Variants in PDXDC1 observed in about 807,000 individuals in gnomAD.
PDXDC1 encodes the protein pyridoxal-dependent decarboxylase domain-containing protein 1.
PDXDC1 carries 42 observed loss-of-function variants against 100.1 expected under a neutral mutation model. The ratio of observed to expected loss-of-function variants is 0.42; its 90% CI spans 0.33 to 0.54. The LOEUF (loss-of-function observed/expected upper bound fraction) is 0.54, where lower values mean the gene tolerates loss of function less well. PDXDC1 is among the 20% of genes least tolerant of loss of function. The pLI, the probability that PDXDC1 is intolerant of heterozygous loss-of-function variation, is 0.10. For missense variants in PDXDC1, 636 were observed against 979.2 expected (o/e 0.65, Z 4.68); for synonymous variants, 260 against 371.7 (o/e 0.70, Z 3.46).
At chr16:15,131,145 C>T (rs2048034221) in intron 16 of PDXDC1, 4 of 1,594,600 alleles carry the variant, frequency 2.5e-6, no homozygotes, top group South Asian at 1.1e-5. Context: ...TGCTGCTGTC[C>T]AGGGTGACCA....
At chr16:15,143,791 G>C (rs545897595), downstream of PDXDC1, among the ~76,000 whole-genome samples, 1 of 152,344 alleles carries the variant, frequency 6.6e-6, no homozygotes, top group East Asian at 1.9e-4. Flanking sequence ...CTGCCTCAGA[G>C]CCTCACACTC....
chr16:15,094,458 AGACGGGAAGGACC>A (rs2046278763), intron 16 of PDXDC1: 2 of 580,342 alleles, frequency 3.4e-6, no homozygotes, highest in Non-Finnish European at 6.1e-6. Flanking sequence ...GTATAAGGAG[AGACGGGAAGGACC>A]GGCTCCATCC....
At chr16:15,010,515 T>C (rs1025777106) in intron 8 of PDXDC1, 1 of 154,280 alleles carries the variant, frequency 6.5e-6, no homozygotes, top group Admixed American at 6.5e-5. Flanking sequence ...GTACTGACGT[T>C]GTAAGATTGT....
chr16:15,005,801 G>A (rs758347806), intron 5 of PDXDC1, among the ~76,000 whole-genome samples: 4 of 152,268 alleles, frequency 2.6e-5, no homozygotes, highest in Non-Finnish European at 5.9e-5. Context: ...CTGGGTTCAA[G>A]CGATTCTCCT....
At chr16:14,987,443 T>A (rs1969633983) in intron 1 of PDXDC1, among the ~76,000 whole-genome samples, 5 of 152,418 alleles carry the variant, frequency 3.3e-5, no homozygotes, top group African/African-American at 4.8e-5. Context: ...AGGCGTTAAT[T>A]ATTAGCACAA....
intron 16 of PDXDC1, chr16:15,061,466 T>C (rs1427959548): frequency 8.1e-6 from 3 of 370,322 alleles, no homozygotes; most frequent in Non-Finnish European, 1.4e-5. Context: ...ACACAAAAAA[T>C]GTACATATTA....
intron 3 of PDXDC1, among the ~76,000 whole-genome samples, chr16:15,000,843 G>A (rs1208779897): frequency 1.3e-5 from 2 of 150,710 alleles, no homozygotes; most frequent in African/African-American, 4.8e-5. Flanking sequence ...CAGTGGCATT[G>A]GAGTGTTCTG....
At chr16:15,058,789 C>A (rs1023072901) in intron 16 of PDXDC1, among the ~76,000 whole-genome samples, 3 of 152,080 alleles carry the variant, frequency 2.0e-5, no homozygotes, top group Admixed American at 1.3e-4. Flanking sequence ...TGAAAGGATC[C>A]CAATTTGTGT....
chr16:15,125,985 C>T lies in PDXDC1; in HGVS notation c.1400-12894C>T, dbSNP rs2047697348. The T allele has an allele frequency of 3.0e-5, 18 of 599,820 alleles. No individual in the cohort carries two copies. In the South Asian group the frequency reaches 3.5e-4, roughly 12 times the overall value. The allele number at this position is 599,820 out of a possible 1,614,324, so 37.2% of individuals were successfully genotyped here. ...GATGGCAGCCCCTCGCGACGTGTGC[C>T]ACTGAACACTTGACAGCAGACTGGT... On this transcript the variant is annotated intron_variant, in intron 16 of 16. Transcript: ENST00000535621.
At position 15,110,049 on chromosome 16, in the gene PDXDC1, G is replaced by C. The variant is rs564331780; in HGVS notation, c.1400-28830G>C. On this transcript the variant is annotated intron_variant, in intron 16 of 16. Coordinates refer to the PDXDC1 transcript ENST00000535621. ...GGCACCTGTAATCCCAGCTACTTGGGAGGCTGAGGCAGGAGAATTGCTTGA... is the reference window on the plus strand; with the variant it reads ...GGCACCTGTAATCCCAGCTACTTGGCAGGCTGAGGCAGGAGAATTGCTTGA... 1.2e-3 allele frequency among the ~76,000 whole-genome samples: 176 copies of C among 148,540 alleles called. 2 individuals are homozygous for C. The highest frequency in any genetic ancestry group is 4.1e-3 in the African/African-American group (167 of 41,108).
At chr16:15,053,473 A>G (rs58636152) in intron 16 of PDXDC1, among the ~76,000 whole-genome samples, 1 of 75,198 alleles carries the variant, frequency 1.3e-5, no homozygotes, top group Non-Finnish European at 3.1e-5. Flanking sequence ...GTAAGCTATC[A>G]TTTTTTTAAA....
intron 16 of PDXDC1, among the ~76,000 whole-genome samples, chr16:15,054,991 A>G (rs1414829260): frequency 6.6e-6 from 1 of 152,158 alleles, no homozygotes; most frequent in East Asian, 1.9e-4. Context: ...AACAGTTTAT[A>G]GTATCTGAGC....
intron 16 of PDXDC1, among the ~76,000 whole-genome samples, chr16:15,062,544 C>T (rs2044755934): frequency 1.3e-5 from 2 of 152,220 alleles, no homozygotes; most frequent in Non-Finnish European, 1.5e-5. Flanking sequence ...CTGTAACTGT[C>T]TCAGCTCCAC....
intron 16 of PDXDC1, among the ~76,000 whole-genome samples, chr16:15,056,377 G>C (rs1024170993): frequency 3.3e-5 from 5 of 152,252 alleles, no homozygotes; most frequent in African/African-American, 1.2e-4. Context: ...TCCGACTGCT[G>C]CGCTTTAGGT....
chr16:15,102,029 G>A (rs1444633745), intron 16 of PDXDC1, among the ~76,000 whole-genome samples: 1 of 152,034 alleles, frequency 6.6e-6, no homozygotes. Flanking sequence ...TGTATTTTTG[G>A]TAGAGACAGG....
intron 12 of PDXDC1, among the ~76,000 whole-genome samples, chr16:15,020,106 C>T (rs1191634750): frequency 2.1e-4 from 25 of 120,422 alleles, no homozygotes; most frequent in East Asian, 5.1e-4. Flanking sequence ...AGCGAGGCTC[C>T]GTCTCAAAAA....
intron 1 of PDXDC1, among the ~76,000 whole-genome samples, chr16:14,983,572 C>CAAA (rs56258905): frequency 5.2e-4 from 46 of 88,418 alleles, no homozygotes; most frequent in African/African-American, 1.1e-3. Flanking sequence ...GACTCCGTCT[C>CAAA]AAAAAAAAAA....
In PDXDC1 at chr16:14,975,062, C is replaced by T. The variant is rs916938460; in HGVS notation, c.-138C>T. On this transcript the variant is annotated 5_prime_UTR_variant, in exon 1 of 23. Transcript: ENST00000396410. ...CAGGTTCGGCAGCCCGCGGCGCCGC[C>T]TGGCAGCTCCTCCTCTTCTCCGCCC... The T allele has an allele frequency of 1.1e-5, 17 of 1,511,228 alleles. No homozygotes were observed. The African/African-American group carries it at 1.8e-4, about 16-fold the overall frequency. 93.6% of individuals were successfully genotyped at this position (1,511,228 alleles called of 1,614,324 possible). A position where few individuals can be genotyped will look rare whatever the true frequency, so the allele number is the denominator to read the frequency against.
chr16:15,122,901 CTGGAGGAGG>C lies in PDXDC1; in HGVS notation c.1400-15968_1400-15960del, dbSNP rs907172328. 4.8e-5 allele frequency among the ~76,000 whole-genome samples: 7 copies of C among 145,648 alleles called. 1 individual carries two copies. Among genetic ancestry groups the C allele is most frequent in the Middle Eastern group, 6.9e-3 (2 of 290 alleles). ...AAAGGAGAAGGGGGCTGTTGGGTAC[CTGGAGGAGG>C]TGGAGGAGGAGGAGGAGAAGAAGAA... On this transcript the variant is annotated intron_variant, in intron 16 of 16. Coordinates refer to the PDXDC1 transcript ENST00000535621.
Sources: gnomAD v4.1 joint callset for allele counts (sites outside exome capture counted in the v4.1 genomes callset) on GRCh38, gnomAD v4.1.1 for gene constraint, MANE v1.5 for transcripts, NCBI Gene and HGNC (gene_info 2026-07-23, HGNC 2026-07-21) for gene names.